The following MINDY3 variants were observed in gnomAD, a reference collection of about 807,000 sequenced individuals.
The protein encoded by MINDY3 is ubiquitin carboxyl-terminal hydrolase MINDY-3.
In MINDY3, 38 loss-of-function variants were observed where a neutral mutation model predicts 69.2. The ratio of observed to expected loss-of-function variants is 0.55; its 90% CI spans 0.42 to 0.72. The LOEUF (loss-of-function observed/expected upper bound fraction) is 0.72. Among genes scored for constraint, MINDY3 ranks in the 30% least tolerant of loss-of-function variants. The pLI, the probability that MINDY3 is intolerant of heterozygous loss-of-function variation, is 0.00. For synonymous variants in MINDY3, 192 were observed against 180.1 expected, an observed-to-expected ratio of 1.07 and a Z score of -0.53; for missense variants, 522 against 519.0, an observed-to-expected ratio of 1.01 and a Z score of -0.06.
At chr10:15,849,320 G>C (rs568246770) in intron 1 of MINDY3, among the ~76,000 whole-genome samples, 1 of 152,130 alleles carries the variant, frequency 6.6e-6, no homozygotes, top group Admixed American at 6.5e-5. Context: ...GTAGTACGGG[G>C]GTAGGATGGA....
chr10:15,836,790 A>G (rs1303971290), intron 6 of MINDY3, among the ~76,000 whole-genome samples: 1 of 151,854 alleles, frequency 6.6e-6, no homozygotes, highest in Non-Finnish European at 1.5e-5. Context: ...AAACAAAGCT[A>G]TCAAAGAAAA....
chr10:15,811,878 G>GC (rs1839025675), intron 10 of MINDY3, among the ~76,000 whole-genome samples: 1 of 152,012 alleles, frequency 6.6e-6, no homozygotes, highest in Non-Finnish European at 1.5e-5. Context: ...CTAATTAGAT[G>GC]CTTAATTCAG....
chr10:15,786,554 A>G lies in MINDY3; in HGVS notation c.1116+7T>C. 6.8e-7 allele frequency: 1 copy of G among 1,464,970 alleles called. No homozygotes were observed. The highest frequency in any genetic ancestry group is 9.5e-7 in the Non-Finnish European group (1 of 1,050,256). 90.7% of individuals were successfully genotyped at this position (1,464,970 alleles called of 1,614,324 possible). On this transcript the variant is annotated splice_region_variant and intron_variant, in intron 13 of 14. Transcript: ENST00000277632. Reference sequence around the variant, plus strand: ...TAACAATGAATATATTTCCTCAACTATGTTACCTGATCAGGAAAAAATTCT... The same window carrying G: ...TAACAATGAATATATTTCCTCAACTGTGTTACCTGATCAGGAAAAAATTCT...
chr10:15,819,336 T>C (rs1458621106), intron 9 of MINDY3, among the ~76,000 whole-genome samples: 1 of 152,166 alleles, frequency 6.6e-6, no homozygotes, highest in Non-Finnish European at 1.5e-5. Context: ...ATGAACACTG[T>C]AGCGTAATAT....
At chr10:15,821,069 T>A (rs1839724748) in intron 9 of MINDY3, among the ~76,000 whole-genome samples, 2 of 152,318 alleles carry the variant, frequency 1.3e-5, no homozygotes, top group South Asian at 2.1e-4. Flanking sequence ...ACAATACCCA[T>A]TTCAGGTTGT....
rs1833808968 is a variant in MINDY3, at chr10:15,845,905, C to T, written c.174+1959G>A. ...TGGCGTGATCTCGGCTCACTGCAAC[C>T]TCCACCTTCTGGTTTCAAGTGATTC... On this transcript the variant is annotated intron_variant, in intron 2 of 14. Coordinates refer to ENST00000277632, the MANE Select transcript of MINDY3 (RefSeq NM_024948.4). Among the ~76,000 whole-genome samples the T allele has an allele frequency of 2.7e-5, 4 of 149,508 alleles. No individual in the cohort carries two copies. In the Admixed American group the frequency reaches 2.7e-4, roughly 10 times the overall value.
chr10:15,851,222 T>G (rs571545499), intron 1 of MINDY3, among the ~76,000 whole-genome samples: 4 of 152,158 alleles, frequency 2.6e-5, no homozygotes, highest in Non-Finnish European at 4.4e-5. Flanking sequence ...GGATCTATGC[T>G]CCTTTCATTC....
At chr10:15,801,730 G>A (rs1049268368) in intron 10 of MINDY3, among the ~76,000 whole-genome samples, 1 of 152,158 alleles carries the variant, frequency 6.6e-6, no homozygotes, top group Non-Finnish European at 1.5e-5. Flanking sequence ...TACTGAAGAG[G>A]CCATCACTGT....
intron 10 of MINDY3, among the ~76,000 whole-genome samples, chr10:15,811,934 A>AT (rs1012239809): frequency 1.3e-5 from 2 of 151,846 alleles, no homozygotes; most frequent in African/African-American, 2.4e-5. Context: ...CATTTTTTAA[A>AT]TTTTTTTATT....
chr10:15,825,810 T>C (rs547839304), intron 8 of MINDY3, among the ~76,000 whole-genome samples: 1 of 152,276 alleles, frequency 6.6e-6, no homozygotes, highest in East Asian at 1.9e-4. Context: ...ATCTTTCAAT[T>C]AGCTATGCAT....
chr10:15,785,232 C>G (rs1378643954), intron 13 of MINDY3, among the ~76,000 whole-genome samples: 1 of 152,064 alleles, frequency 6.6e-6, no homozygotes, highest in Non-Finnish European at 1.5e-5. Context: ...TTCAGAATAG[C>G]AGGCAACAAG....
At chr10:15,832,943 G>A (rs115732673) in intron 8 of MINDY3, among the ~76,000 whole-genome samples, 2,607 of 152,212 alleles carry the variant, frequency 0.017, 55 homozygotes, top group African/African-American at 0.057. Context: ...CGTGTCCTAT[G>A]CTACGTACTT....
intron 11 of MINDY3, among the ~76,000 whole-genome samples, chr10:15,791,654 T>C (rs757185595): frequency 6.6e-6 from 1 of 152,090 alleles, no homozygotes; most frequent in African/African-American, 2.4e-5. Context: ...TTTAAAATTT[T>C]AAAAGATTTT....
chr10:15,828,212 T>C (rs1840220291), intron 8 of MINDY3, among the ~76,000 whole-genome samples: 2 of 152,228 alleles, frequency 1.3e-5, no homozygotes, highest in African/African-American at 4.8e-5. Flanking sequence ...GAATGTGGTA[T>C]ATTTGTGCAA....
Position 15,822,296 on chromosome 10 carries a change from C to T in MINDY3, c.731-570G>A, listed in dbSNP as rs114459736. ...TGCCTTAGAAAGGCTATGACTTTAC[C>T]AAAGACGACAGATGAAAAAAACATA... On this transcript the variant is annotated intron_variant, in intron 8 of 14. Transcript: ENST00000277632. 8.8e-3 allele frequency among the ~76,000 whole-genome samples: 1,336 copies of T among 152,012 alleles called. 25 individuals are homozygous for T. The highest frequency in any genetic ancestry group is 0.031 in the African/African-American group (1,285 of 41,424).
At chr10:15,801,544 C>T (rs1242926261) in intron 10 of MINDY3, among the ~76,000 whole-genome samples, 1 of 151,994 alleles carries the variant, frequency 6.6e-6, no homozygotes, top group Non-Finnish European at 1.5e-5. Flanking sequence ...ACCAAAGGCA[C>T]CAAAGTAGTT....
chr10:15,788,134 C>T (rs1347258700), intron 12 of MINDY3, among the ~76,000 whole-genome samples: 1 of 151,894 alleles, frequency 6.6e-6, no homozygotes, highest in Non-Finnish European at 1.5e-5. Flanking sequence ...ACAAAAATTA[C>T]TTGAGTTAAT....
At chr10:15,789,010 T>C in intron 12 of MINDY3, 2 of 360,672 alleles carry the variant, frequency 5.5e-6, no homozygotes, top group Non-Finnish European at 1.0e-5. Flanking sequence ...AAAGACACTT[T>C]TAGCATTTTT....
At chr10:15,812,142 T>C (rs1036812653) in intron 10 of MINDY3, among the ~76,000 whole-genome samples, 7 of 152,060 alleles carry the variant, frequency 4.6e-5, no homozygotes, top group Non-Finnish European at 1.0e-4. Flanking sequence ...GGTTTTGCCA[T>C]GTTGGCCAGG....
Sources: gnomAD v4.1 joint callset for allele counts (sites outside exome capture counted in the v4.1 genomes callset) on GRCh38, gnomAD v4.1.1 for gene constraint, MANE v1.5 for transcripts, NCBI Gene and HGNC (gene_info 2026-07-23, HGNC 2026-07-21) for gene names.